Variants in RAPGEF5 observed in about 807,000 individuals in gnomAD.
RAPGEF5 encodes M-Ras-regulated GEF.
RAPGEF5 carries 65 observed loss-of-function variants against 125.2 expected under a neutral mutation model. That is an observed-to-expected ratio of 0.52 (90% CI 0.43 to 0.64). RAPGEF5 has a LOEUF of 0.64. RAPGEF5 is among the 30% of genes least tolerant of loss of function. The pLI, the probability that RAPGEF5 is intolerant of heterozygous loss-of-function variation, is 0.00. For missense variants in RAPGEF5, 958 were observed against 1,048.1 expected, an observed-to-expected ratio of 0.91 and a Z score of 1.19; for synonymous variants, 391 against 385.9, an observed-to-expected ratio of 1.01 and a Z score of -0.16.
In RAPGEF5 at chr7:22,154,475, A is replaced by C; in HGVS notation, c.1766T>G (p.Val589Gly). 6.2e-7 allele frequency: 1 copy of C among 1,613,812 alleles called. No homozygotes were observed. The highest frequency in any genetic ancestry group is 1.1e-5 in the South Asian group (1 of 91,050). The change falls in exon 17 of 26, where the codon GTG becomes GGG. Residue 589 changes from valine to glycine, a missense_variant. Coordinates refer to ENST00000665637, the MANE Select transcript of RAPGEF5 (RefSeq NM_012294.5). Reference sequence around the variant, plus strand: ...CTTACCCCCAGAGAATGTGATGGCCACCAGAGCCAGATCCTCTTCTGCATA... The same window carrying C: ...CTTACCCCCAGAGAATGTGATGGCCCCCAGAGCCAGATCCTCTTCTGCATA... ...IQYAEEDLAL[V>G]AITFSGEKHE... is the part of the protein sequence containing the mutation.
rs184971396 is a variant in RAPGEF5 at position 22,283,740 on chromosome 7, T to A, written c.747+7435A>T. Among the ~76,000 whole-genome samples, 7 of 152,326 alleles carry A rather than the reference T, an allele frequency of 4.6e-5. No individual in the cohort carries two copies. The East Asian group carries it at 1.3e-3, about 29-fold the overall frequency. On this transcript the variant is annotated intron_variant, in intron 6 of 25. Transcript: ENST00000665637. ...CCATGGGTATTGCATATCAAAGTGA[T>A]TTTCATCTCAGAAACAGATATTCAA... is the stretch of plus-strand genomic sequence containing the variant.
intron 1 of RAPGEF5, among the ~76,000 whole-genome samples, chr7:22,338,982 G>T (rs1028498305): frequency 6.6e-6 from 1 of 152,204 alleles, no homozygotes; most frequent in African/African-American, 2.4e-5. Context: ...AAAACCTGAA[G>T]CTGGTGATCA....
intron 20 of RAPGEF5, among the ~76,000 whole-genome samples, chr7:22,141,510 C>T (rs1256486526): frequency 1.3e-5 from 2 of 152,190 alleles, no homozygotes; most frequent in Admixed American, 6.5e-5. Flanking sequence ...CTGGCATGCC[C>T]AGAGCCGGCC....
At chr7:22,350,958 A>G (rs1015646479) in intron 1 of RAPGEF5, among the ~76,000 whole-genome samples, 2 of 152,132 alleles carry the variant, frequency 1.3e-5, no homozygotes, top group African/African-American at 2.4e-5. Context: ...CTCATATCTG[A>G]TCTGACTCAC....
At chr7:22,181,419 A>G (rs2128121644) in intron 11 of RAPGEF5, among the ~76,000 whole-genome samples, 1 of 152,314 alleles carries the variant, frequency 6.6e-6, no homozygotes, top group South Asian at 2.1e-4. Flanking sequence ...CAGGTATGCA[A>G]TGGAGAATTT....
At chr7:22,228,795 G>A (rs577594133) in intron 8 of RAPGEF5, among the ~76,000 whole-genome samples, 469 of 151,800 alleles carry the variant, frequency 3.1e-3, no homozygotes, top group Non-Finnish European at 4.7e-3. Context: ...TTACGGGTGC[G>A]AGCCACCACG....
At chr7:22,165,438 C>CA (rs1323756406) in intron 12 of RAPGEF5, among the ~76,000 whole-genome samples, 1 of 151,992 alleles carries the variant, frequency 6.6e-6, no homozygotes, top group African/African-American at 2.4e-5. Context: ...GATATTTTTC[C>CA]AAAACACTTT....
At chr7:22,244,227 CCAT>C (rs1307628434) in intron 7 of RAPGEF5, among the ~76,000 whole-genome samples, 5 of 151,868 alleles carry the variant, frequency 3.3e-5, no homozygotes, top group Admixed American at 1.3e-4. Flanking sequence ...TATACACACA[CCAT>C]ATTTTATTCA....
intron 12 of RAPGEF5, among the ~76,000 whole-genome samples, chr7:22,163,345 A>C (rs1333180938): frequency 6.6e-6 from 1 of 152,270 alleles, no homozygotes; most frequent in Non-Finnish European, 1.5e-5. Flanking sequence ...ACTATTCAGC[A>C]GCCAGAAAAA....
intron 7 of RAPGEF5, among the ~76,000 whole-genome samples, chr7:22,242,322 G>T (rs985534619): frequency 6.6e-6 from 1 of 152,234 alleles, no homozygotes; most frequent in South Asian, 2.1e-4. Context: ...GGATGGGAAG[G>T]TTCCTAGCAC....
At chr7:22,198,018 T>C (rs756294607) in intron 9 of RAPGEF5, among the ~76,000 whole-genome samples, 1 of 151,886 alleles carries the variant, frequency 6.6e-6, no homozygotes, top group Non-Finnish European at 1.5e-5. Context: ...GCCTCCTGAG[T>C]ACCTGGGACT....
intron 23 of RAPGEF5, 146 bp from the exon 24 acceptor site, chr7:22,131,247 G>A: frequency 9.3e-7 from 1 of 1,074,432 alleles, no homozygotes; most frequent in Non-Finnish European, 1.3e-6. Flanking sequence ...TTTGAAATTG[G>A]ATTTATGTGT....
At chr7:22,160,463 C>A in intron 14 of RAPGEF5, 55 bp downstream of exon 14, 1 of 1,492,050 alleles carries the variant, frequency 6.7e-7, no homozygotes, top group South Asian at 1.3e-5. Context: ...CAAATTCTAT[C>A]ATATTTGCTG....
At chr7:22,215,584 G>A (rs1785617518) in intron 9 of RAPGEF5, among the ~76,000 whole-genome samples, 1 of 152,110 alleles carries the variant, frequency 6.6e-6, no homozygotes, top group African/African-American at 2.4e-5. Flanking sequence ...TATGACATCG[G>A]CTTGAACAAA....
intron 7 of RAPGEF5, among the ~76,000 whole-genome samples, chr7:22,247,182 G>T (rs971217878): frequency 3.9e-5 from 6 of 152,198 alleles, no homozygotes; most frequent in Non-Finnish European, 7.3e-5. Context: ...ACTTCTCAAA[G>T]AACTTAAAAT....
intron 3 of RAPGEF5, 103 bp downstream of exon 3, chr7:22,315,267 C>A: frequency 1.5e-6 from 2 of 1,351,938 alleles, no homozygotes; most frequent in Non-Finnish European, 2.0e-6. Flanking sequence ...CCTCCTACTA[C>A]TGATATTGTC....
chr7:22,170,731 T>A (rs1312118992), intron 11 of RAPGEF5, among the ~76,000 whole-genome samples: 1 of 152,212 alleles, frequency 6.6e-6, no homozygotes, highest in African/African-American at 2.4e-5. Flanking sequence ...TATGACAATA[T>A]TTTGTTAAGG....
At chr7:22,263,479 C>T (rs749054084) in intron 7 of RAPGEF5, among the ~76,000 whole-genome samples, 3 of 151,926 alleles carry the variant, frequency 2.0e-5, no homozygotes, top group Non-Finnish European at 2.9e-5. Context: ...CCTATAATCC[C>T]AGCAGTTTGG....
chr7:22,337,042 C>A lies in RAPGEF5; in HGVS notation c.232-19005G>T, dbSNP rs192579748. 7.2e-5 allele frequency among the ~76,000 whole-genome samples: 11 copies of A among 152,218 alleles called. No individual in the cohort carries two copies. In the East Asian group the frequency reaches 2.1e-3, roughly 29 times the overall value. On this transcript the variant is annotated intron_variant, in intron 1 of 25. Transcript: ENST00000665637. ...CATCTTGCCTGCTGCCCAGATAGAGCCGAATTGTCAAGACAGGGGAATGGC... is the reference window on the plus strand; with the variant it reads ...CATCTTGCCTGCTGCCCAGATAGAGACGAATTGTCAAGACAGGGGAATGGC...
Sources: allele counts gnomAD v4.1 joint callset (sites outside exome capture counted in the v4.1 genomes callset), GRCh38; gene constraint gnomAD v4.1.1; transcripts MANE v1.5; gene names NCBI Gene and HGNC (gene_info 2026-07-23, HGNC 2026-07-21).